The following NPAS3 variants were observed in gnomAD, a reference collection of about 807,000 sequenced individuals.
NPAS3 encodes neuronal PAS domain-containing protein 3.
NPAS3 carries 14 observed loss-of-function variants against 73.1 expected under a neutral mutation model. The ratio of observed to expected loss-of-function variants is 0.19; its 90% confidence interval spans 0.13 to 0.30. The LOEUF (loss-of-function observed/expected upper bound fraction) is 0.30, where lower values mean the gene tolerates loss of function less well. Ranked by LOEUF, NPAS3 falls within the 10% of genes least tolerant of loss-of-function variation. NPAS3 has a pLI of 1.00. For missense variants in NPAS3, 1,096 were observed against 1,250.0 expected (o/e 0.88, Z 1.86); for synonymous variants, 620 against 541.5 (o/e 1.14, Z -2.01).
intron 2 of NPAS3, among the ~76,000 whole-genome samples, chr14:33,186,750 T>C (rs575168768): frequency 6.6e-6 from 1 of 152,282 alleles, no homozygotes; most frequent in East Asian, 1.9e-4. Flanking sequence ...AATTTTTTTG[T>C]TTAGTGTGTC....
intron 4 of NPAS3, among the ~76,000 whole-genome samples, chr14:33,528,023 T>C (rs2053878427): frequency 6.6e-6 from 1 of 152,114 alleles, no homozygotes; most frequent in Admixed American, 6.6e-5. Flanking sequence ...CAGTAAACCA[T>C]ATATTAATTT....
chr14:33,123,665 A>C (rs1305623556), intron 2 of NPAS3, among the ~76,000 whole-genome samples: 1 of 152,036 alleles, frequency 6.6e-6, no homozygotes. Context: ...GAAAAAGAAA[A>C]ACCAAGTAAT....
chr14:33,149,249 A>G (rs1216926964), intron 2 of NPAS3, among the ~76,000 whole-genome samples: 1 of 152,176 alleles, frequency 6.6e-6, no homozygotes, highest in Non-Finnish European at 1.5e-5. Context: ...ATTTGAGAAA[A>G]CTTGATACGC....
At chr14:33,328,787 T>C (rs2043841133) in intron 3 of NPAS3, among the ~76,000 whole-genome samples, 1 of 152,170 alleles carries the variant, frequency 6.6e-6, no homozygotes, top group Admixed American at 6.5e-5. Context: ...TCCTGAATTC[T>C]TGAGATGAAT....
intron 6 of NPAS3, among the ~76,000 whole-genome samples, chr14:33,719,760 A>G (rs2061054655): frequency 6.6e-6 from 1 of 152,154 alleles, no homozygotes; most frequent in Non-Finnish European, 1.5e-5. Flanking sequence ...AGCTAGTGAC[A>G]TTAGGGAAGT....
chr14:32,985,243 TTATG>T (rs1036286863), intron 1 of NPAS3, among the ~76,000 whole-genome samples: 2 of 152,126 alleles, frequency 1.3e-5, no homozygotes, highest in African/African-American at 4.8e-5. Context: ...ACTGTGGTCT[TTATG>T]TATGCTGGTG....
At chr14:33,773,284 A>G (rs2062710541) in intron 7 of NPAS3, among the ~76,000 whole-genome samples, 1 of 152,198 alleles carries the variant, frequency 6.6e-6, no homozygotes, top group African/African-American at 2.4e-5. Flanking sequence ...ATGGACACTC[A>G]GCCACTAAAC....
At chr14:33,803,692 T>C (rs1297998143), downstream of NPAS3, 1 of 128,046 alleles carries the variant, frequency 7.8e-6, no homozygotes, top group Non-Finnish European at 1.6e-5. Context: ...AAATTCATAG[T>C]GTTGAAAATT....
rs188148018 is a variant in NPAS3 at position 33,594,952 on chromosome 14, A to G, written c.558+34742A>G. On this transcript the variant is annotated intron_variant, in intron 5 of 11. Transcript: ENST00000356141. ...CACACAGGAGCACCTTGAAAGCCAT[A>G]AGAGAAAGGATTTAGATTGCACAGG... 1.4e-3 allele frequency among the ~76,000 whole-genome samples: 211 copies of G among 152,320 alleles called. 3 individuals are homozygous for G. The highest frequency in any genetic ancestry group is 5.6e-3 in the Admixed American group (86 of 15,306).
At chr14:33,452,562 G>T (rs1358164153) in intron 4 of NPAS3, among the ~76,000 whole-genome samples, 1 of 151,858 alleles carries the variant, frequency 6.6e-6, no homozygotes, top group East Asian at 1.9e-4. Flanking sequence ...CATGAGGTCA[G>T]GAGATCAAGA....
At chr14:33,517,195 G>T (rs2053342484) in intron 4 of NPAS3, among the ~76,000 whole-genome samples, 1 of 152,056 alleles carries the variant, frequency 6.6e-6, no homozygotes, top group South Asian at 2.1e-4. Flanking sequence ...TAAATCAGGT[G>T]ATTGTAGTTC....
intron 1 of NPAS3, among the ~76,000 whole-genome samples, chr14:33,047,244 A>G (rs146061560): frequency 6.6e-6 from 1 of 152,320 alleles, no homozygotes; most frequent in East Asian, 1.9e-4. Context: ...AACCAATTTT[A>G]TTGTCTAAAA....
At chr14:33,215,353 G>A in exon 3 of NPAS3, 5 of 1,607,048 alleles carry the variant, frequency 3.1e-6, no homozygotes, top group Non-Finnish European at 4.3e-6. Context: ...TGAAAATGAG[G>A]GACTTTGCTA....
At chr14:33,343,638 A>G (rs550393329) in intron 3 of NPAS3, among the ~76,000 whole-genome samples, 2 of 152,334 alleles carry the variant, frequency 1.3e-5, no homozygotes, top group South Asian at 2.1e-4. Flanking sequence ...TGTTCCAGTA[A>G]TTAGGGGGAC....
intron 5 of NPAS3, among the ~76,000 whole-genome samples, chr14:33,675,881 C>T (rs904808214): frequency 6.6e-6 from 1 of 151,878 alleles, no homozygotes; most frequent in Non-Finnish European, 1.5e-5. Flanking sequence ...ACACCAAACA[C>T]GCAAGTATTT....
intron 4 of NPAS3, among the ~76,000 whole-genome samples, chr14:33,546,538 A>T (rs185414237): frequency 9.6e-4 from 146 of 152,330 alleles, no homozygotes; most frequent in African/African-American, 3.2e-3. Context: ...AAGCAAGCAT[A>T]AATGATTTGT....
intron 3 of NPAS3, among the ~76,000 whole-genome samples, chr14:33,355,366 T>A (rs556718577): frequency 6.3e-4 from 96 of 152,162 alleles, no homozygotes; most frequent in Non-Finnish European, 1.2e-3. Flanking sequence ...AGTGGCGAGA[T>A]CTCGGCTCAC....
At chr14:33,232,994 A>G (rs1187838229) in intron 3 of NPAS3, among the ~76,000 whole-genome samples, 2 of 152,192 alleles carry the variant, frequency 1.3e-5, no homozygotes, top group African/African-American at 4.8e-5. Context: ...CAAACCTTAC[A>G]TCCAAATCAC....
At chr14:33,075,416 A>G (rs890447220) in intron 2 of NPAS3, among the ~76,000 whole-genome samples, 1 of 152,188 alleles carries the variant, frequency 6.6e-6, no homozygotes, top group East Asian at 1.9e-4. Context: ...TTTCACATCT[A>G]TTGTACCATT....
Sources: gnomAD v4.1 joint callset for allele counts (sites outside exome capture counted in the v4.1 genomes callset) on GRCh38, gnomAD v4.1.1 for gene constraint, MANE v1.5 for transcripts, NCBI Gene and HGNC (gene_info 2026-07-23, HGNC 2026-07-21) for gene names.